Variants in ARHGAP18 observed in about 807,000 individuals in gnomAD.
ARHGAP18 encodes rho GTPase-activating protein 18.
ARHGAP18 carries 67 observed loss-of-function variants against 86.2 expected under a neutral mutation model. That is an observed-to-expected ratio of 0.78 (90% CI 0.64 to 0.95). The LOEUF is 0.95. Among genes scored for constraint, ARHGAP18 ranks in the 40% least tolerant of loss-of-function variants. The pLI is 0.00. For synonymous variants in ARHGAP18, 283 were observed against 280.4 expected (o/e 1.01, Z -0.09); for missense variants, 691 against 780.4 (o/e 0.89, Z 1.37).
In ARHGAP18 at chr6:129,634,032, T is replaced by C; in HGVS notation, c.616+10A>G. 4 of 1,600,788 alleles carry C rather than the reference T, an allele frequency of 2.5e-6. No individual in the cohort carries two copies. Among genetic ancestry groups the C allele is most frequent in the Non-Finnish European group, 3.4e-6 (4 of 1,174,066 alleles). On this transcript the variant is annotated intron_variant, in intron 4 of 14. Transcript: ENST00000368149. ...AAAAAAAAAAAAACAAGAGAACAGG[T>C]TCAACATACCATCTCTTCCTTGGTA...
At chr6:129,673,195 T>A (rs1318051117) in intron 1 of ARHGAP18, among the ~76,000 whole-genome samples, 2 of 152,228 alleles carry the variant, frequency 1.3e-5, no homozygotes, top group African/African-American at 4.8e-5. Flanking sequence ...ATCTAGTGCT[T>A]AAAAATGGAA....
At position 129,608,088 on chromosome 6, in the gene ARHGAP18, A is replaced by C. The variant is rs138782662; in HGVS notation, c.1123-36T>G. On this transcript the variant is annotated intron_variant, in intron 8 of 14. Transcript: ENST00000368149. ...CGAAAAAAAAAAAAAAAAAAAAAAGAAGCAGCTAGAAGTGCATTTTTTTTC... is the reference window on the plus strand; with the variant it reads ...CGAAAAAAAAAAAAAAAAAAAAAAGCAGCAGCTAGAAGTGCATTTTTTTTC... 2.4e-3 allele frequency: 3,621 copies of C among 1,494,350 alleles called. 49 individuals are homozygous for C. In the East Asian group the frequency reaches 0.038, roughly 16 times the overall value. 92.6% of individuals were successfully genotyped at this position (1,494,350 alleles called of 1,614,324 possible).
At chr6:129,652,078 C>A (rs1352339572) in intron 1 of ARHGAP18, among the ~76,000 whole-genome samples, 1 of 152,226 alleles carries the variant, frequency 6.6e-6, no homozygotes, top group African/African-American at 2.4e-5. Context: ...AAATACATTT[C>A]TGTTGTTTAT....
chr6:129,697,570 T>G (rs1213640568), intron 1 of ARHGAP18, among the ~76,000 whole-genome samples: 1 of 152,212 alleles, frequency 6.6e-6, no homozygotes, highest in Non-Finnish European at 1.5e-5. Context: ...AGGCCTCTAT[T>G]GATTCTTCTG....
At chr6:129,707,650 G>GTTTTTTTTT (rs57719259) in intron 1 of ARHGAP18, among the ~76,000 whole-genome samples, 2 of 107,856 alleles carry the variant, frequency 1.9e-5, no homozygotes, top group Non-Finnish European at 3.8e-5. Context: ...GTGGTTTCTT[G>GTTTTTTTTT]TTTTTTTTTT....
intron 7 of ARHGAP18, among the ~76,000 whole-genome samples, chr6:129,612,039 C>T (rs929424555): frequency 6.6e-6 from 1 of 152,092 alleles, no homozygotes; most frequent in Non-Finnish European, 1.5e-5. Flanking sequence ...TTATGACATG[C>T]AGAAAAAAGA....
chr6:129,587,906 T>C (rs1788430382), intron 12 of ARHGAP18, among the ~76,000 whole-genome samples: 1 of 152,096 alleles, frequency 6.6e-6, no homozygotes, highest in Admixed American at 6.5e-5. Flanking sequence ...ATTCCAGCAT[T>C]TACCCAAAAG....
intron 1 of ARHGAP18, among the ~76,000 whole-genome samples, chr6:129,647,437 C>A (rs939359393): frequency 6.6e-6 from 1 of 152,084 alleles, no homozygotes; most frequent in East Asian, 1.9e-4. Context: ...TGCTTCTGAC[C>A]CTTCGAGGCA....
intron 1 of ARHGAP18, among the ~76,000 whole-genome samples, chr6:129,698,691 G>GTTT (rs34995244): frequency 5.5e-4 from 49 of 89,648 alleles, no homozygotes; most frequent in African/African-American, 2.0e-3. Flanking sequence ...ACCACGCCCA[G>GTTT]TTTTTTTTTT....
At chr6:129,681,026 G>T (rs1774316575) in intron 1 of ARHGAP18, among the ~76,000 whole-genome samples, 1 of 152,150 alleles carries the variant, frequency 6.6e-6, no homozygotes, top group African/African-American at 2.4e-5. Flanking sequence ...ATGGAGAATT[G>T]CTGCCATTCT....
intron 1 of ARHGAP18, among the ~76,000 whole-genome samples, chr6:129,676,071 G>C (rs1774226649): frequency 6.6e-6 from 1 of 152,228 alleles, no homozygotes; most frequent in African/African-American, 2.4e-5. Flanking sequence ...ATTATATCAA[G>C]TGTCAGACTC....
chr6:129,638,287 A>G (rs970143171), intron 3 of ARHGAP18, 107 bp downstream of exon 3: 25 of 1,134,340 alleles, frequency 2.2e-5, no homozygotes, highest in Non-Finnish European at 3.0e-5. Flanking sequence ...GGTGCCTGGC[A>G]TAGAATAGGT....
chr6:129,658,804 A>T lies in ARHGAP18; in HGVS notation c.114-16786T>A, dbSNP rs143164608. Among the ~76,000 whole-genome samples, 517 of 152,308 alleles carry T rather than the reference A, an allele frequency of 3.4e-3. 8 individuals carry two copies. Among genetic ancestry groups the T allele is most frequent in the African/African-American group, 0.012 (495 of 41,566 alleles). ...TCACTGAAACAAATTTAAAGTCAGT[A>T]ACTCATAAGAATTGAAAACAACTAA... On this transcript the variant is annotated intron_variant, in intron 1 of 14. Transcript: ENST00000368149.
intron 12 of ARHGAP18, 28 bp downstream of exon 12, chr6:129,599,187 AT>A: frequency 6.8e-7 from 1 of 1,478,650 alleles, no homozygotes; most frequent in Non-Finnish European, 9.0e-7. Context: ...TAAGATCTGA[AT>A]AAATACATAT....
At chr6:129,640,281 ATCT>A (rs1195700212) in intron 2 of ARHGAP18, among the ~76,000 whole-genome samples, 4 of 152,204 alleles carry the variant, frequency 2.6e-5, no homozygotes, top group Non-Finnish European at 5.9e-5. Context: ...AACATTCCCA[ATCT>A]TCTTGATGAT....
At chr6:129,587,211 C>A (rs1199481362) in intron 12 of ARHGAP18, among the ~76,000 whole-genome samples, 1 of 152,084 alleles carries the variant, frequency 6.6e-6, no homozygotes, top group African/African-American at 2.4e-5. Flanking sequence ...GGAACAATGT[C>A]TAAAAGAAAC....
chr6:129,580,024 A>G (rs774981728), intron 14 of ARHGAP18, 46 bp downstream of exon 14: 17 of 1,464,704 alleles, frequency 1.2e-5, no homozygotes, highest in African/African-American at 2.8e-5. Flanking sequence ...ACCACTGGCA[A>G]TATCAAAACA....
At chr6:129,662,424 C>T (rs1773972029) in intron 1 of ARHGAP18, among the ~76,000 whole-genome samples, 1 of 152,228 alleles carries the variant, frequency 6.6e-6, no homozygotes, top group South Asian at 2.1e-4. Context: ...ATCCTCTTGC[C>T]TTAAATTATG....
In ARHGAP18 at chr6:129,684,513, T is replaced by C. The variant is rs138982643; in HGVS notation, c.113+25511A>G. Among the ~76,000 whole-genome samples, 418 of 152,372 alleles carry C rather than the reference T, an allele frequency of 2.7e-3. 2 individuals carry two copies. The highest frequency in any genetic ancestry group is 9.7e-3 in the African/African-American group (403 of 41,590). On this transcript the variant is annotated intron_variant, in intron 1 of 14. Transcript: ENST00000368149. Reference sequence around the variant, plus strand: ...TTTCTCTATTGAGAATGTTGTCTTGTAGGGCAAAGTTTTGAAAGTTCCTAA... The same window carrying C: ...TTTCTCTATTGAGAATGTTGTCTTGCAGGGCAAAGTTTTGAAAGTTCCTAA...
Sources: gnomAD v4.1 joint callset for allele counts (sites outside exome capture counted in the v4.1 genomes callset) on GRCh38, gnomAD v4.1.1 for gene constraint, MANE v1.5 for transcripts, NCBI Gene and HGNC (gene_info 2026-07-23, HGNC 2026-07-21) for gene names.